RBFOX1: variants seen among roughly 807,000 people sequenced by gnomAD.
RBFOX1 encodes RNA binding protein fox-1 homolog 1.
In RBFOX1, 8 loss-of-function variants were observed where a neutral mutation model predicts 57.7. The ratio of observed to expected loss-of-function variants is 0.14; its 90% confidence interval spans 0.08 to 0.25. The LOEUF is 0.25. Ranked by LOEUF, RBFOX1 falls within the 10% of genes least tolerant of loss-of-function variation. RBFOX1 has a pLI of 1.00. For missense variants in RBFOX1, 611 were observed against 548.5 expected, an observed-to-expected ratio of 1.11 and a Z score of -1.14; for synonymous variants, 326 against 222.4, an observed-to-expected ratio of 1.47 and a Z score of -4.15.
intron 4 of RBFOX1, among the ~76,000 whole-genome samples, chr16:7,061,573 A>G (rs2054290710): frequency 6.6e-6 from 1 of 152,164 alleles, no homozygotes; most frequent in African/African-American, 2.4e-5. Context: ...AGAAGACTCA[A>G]AAAAAAGTTC....
intron 2 of RBFOX1, among the ~76,000 whole-genome samples, chr16:5,567,069 G>T (rs1468340893): frequency 6.6e-6 from 1 of 152,138 alleles, no homozygotes; most frequent in Non-Finnish European, 1.5e-5. Flanking sequence ...CTCACAATTA[G>T]TGGGGCTGGA....
chr16:5,549,317 T>C (rs1270240810), intron 2 of RBFOX1, among the ~76,000 whole-genome samples: 2 of 152,250 alleles, frequency 1.3e-5, no homozygotes, highest in Non-Finnish European at 2.9e-5. Flanking sequence ...GGTTGAACTT[T>C]GCTTTCTCTC....
In RBFOX1 at chr16:7,189,095, C is replaced by G. The variant is rs78393933; in HGVS notation, c.27+136997C>G. Among the ~76,000 whole-genome samples, 714 of 152,098 alleles carry G rather than the reference C, an allele frequency of 4.7e-3. 7 individuals are homozygous for G. The highest frequency in any genetic ancestry group is 0.015 in the African/African-American group (643 of 41,500). ...ATGGATAGAATCCTCATAGGAAGAC[C>G]TACACTGATTCAGGTAATAAGGAGT... On this transcript the variant is annotated intron_variant, in intron 4 of 15. Coordinates refer to ENST00000550418, the MANE Select transcript of RBFOX1 (RefSeq NM_018723.4).
At chr16:7,385,681 C>G (rs1426234561) in intron 4 of RBFOX1, among the ~76,000 whole-genome samples, 2 of 152,092 alleles carry the variant, frequency 1.3e-5, no homozygotes, top group African/African-American at 4.8e-5. Context: ...AGGGATGCAA[C>G]TGGCAGATGA....
intron 3 of RBFOX1, among the ~76,000 whole-genome samples, chr16:6,741,263 A>C (rs2072013445): frequency 6.6e-6 from 1 of 152,210 alleles, no homozygotes; most frequent in South Asian, 2.1e-4. Context: ...GAAAACATAA[A>C]ACTATAAAAC....
intron 3 of RBFOX1, among the ~76,000 whole-genome samples, chr16:6,929,640 T>A (rs955025578): frequency 6.6e-6 from 1 of 152,182 alleles, no homozygotes; most frequent in Admixed American, 6.5e-5. Flanking sequence ...TTCTCACCTT[T>A]AGGGATTCTC....
intron 3 of RBFOX1, among the ~76,000 whole-genome samples, chr16:6,815,457 A>ATTC (rs1422784064): frequency 7.9e-5 from 12 of 152,272 alleles, no homozygotes; most frequent in African/African-American, 2.9e-4. Context: ...CACCTCTGAC[A>ATTC]TTCGCAGTGG....
At chr16:7,358,018 A>G (rs1251146653) in intron 4 of RBFOX1, among the ~76,000 whole-genome samples, 1 of 152,210 alleles carries the variant, frequency 6.6e-6, no homozygotes, top group Non-Finnish European at 1.5e-5. Flanking sequence ...GCTAATGACT[A>G]GTGCAGCCTG....
chr16:7,632,791 TATTA>T (rs1568195375), intron 11 of RBFOX1, among the ~76,000 whole-genome samples: 1 of 152,224 alleles, frequency 6.6e-6, no homozygotes. Context: ...TTTTATGTTA[TATTA>T]ATTAGCCATA....
rs1373131016 is a variant in RBFOX1 at position 6,557,052 on chromosome 16, TATACATATATAC to T, written c.-63-97535_-63-97524del. 7.8e-3 allele frequency among the ~76,000 whole-genome samples: 1,141 copies of T among 146,914 alleles called. 10 individuals are homozygous for T. The highest frequency in any genetic ancestry group is 0.013 in the Non-Finnish European group (858 of 67,134). The stretch of plus-strand genomic sequence containing the variant: ...ATATATACACATATATATACATATA[TATACATATATAC>T]ATACATATATACATATATACATACA... On this transcript the variant is annotated intron_variant, in intron 2 of 15. Coordinates refer to ENST00000550418, the MANE Select transcript of RBFOX1 (RefSeq NM_018723.4).
intron 4 of RBFOX1, among the ~76,000 whole-genome samples, chr16:7,496,238 G>A (rs938776921): frequency 4.6e-5 from 7 of 152,162 alleles, no homozygotes; most frequent in Non-Finnish European, 8.8e-5. Context: ...CCATCTCCCA[G>A]TTCAAGTGAT....
chr16:5,948,619 AT>A (rs757486844), intron 4 of RBFOX1, among the ~76,000 whole-genome samples: 39 of 152,182 alleles, frequency 2.6e-4, no homozygotes, highest in Non-Finnish European at 5.3e-4. Context: ...AGAGGCAGAG[AT>A]TTTAATGACA....
intron 2 of RBFOX1, among the ~76,000 whole-genome samples, chr16:6,591,295 T>TA (rs1257221576): frequency 2.6e-5 from 4 of 152,138 alleles, no homozygotes; most frequent in Middle Eastern, 3.4e-3. Context: ...AAAATATATA[T>TA]TTTTTAAGTA....
Position 5,588,659 on chromosome 16 carries a change from T to C in RBFOX1, c.259-10243T>C, listed in dbSNP as rs1206151176. ...GAGCAATGGACAGCACTTTGCAGACTTAGAGGGCTGGGAGGGCATTGAATT... is the reference window on the plus strand; with the variant it reads ...GAGCAATGGACAGCACTTTGCAGACCTAGAGGGCTGGGAGGGCATTGAATT... On this transcript the variant is annotated intron_variant, in intron 2 of 2. Transcript: ENST00000585867. 2.6e-5 allele frequency among the ~76,000 whole-genome samples: 4 copies of C among 152,242 alleles called. No individual in the cohort carries two copies. The East Asian group carries it at 7.7e-4, about 29-fold the overall frequency.
At chr16:6,856,632 C>T (rs566063113) in intron 3 of RBFOX1, among the ~76,000 whole-genome samples, 42 of 152,288 alleles carry the variant, frequency 2.8e-4, no homozygotes, top group African/African-American at 9.9e-4. Context: ...CAGTGATAAA[C>T]CACCTCTTGT....
chr16:6,880,207 G>A (rs1421577173), intron 3 of RBFOX1, among the ~76,000 whole-genome samples: 4 of 141,506 alleles, frequency 2.8e-5, no homozygotes, highest in African/African-American at 5.4e-5. Context: ...GTATAAAAGA[G>A]CAAAATTTTC....
At chr16:6,829,877 C>A (rs1367639108) in intron 3 of RBFOX1, among the ~76,000 whole-genome samples, 1 of 152,140 alleles carries the variant, frequency 6.6e-6, no homozygotes, top group Admixed American at 6.5e-5. Flanking sequence ...GCTGGGATTA[C>A]AGGTGTAAAC....
At chr16:6,825,742 C>T (rs1369941312) in intron 3 of RBFOX1, among the ~76,000 whole-genome samples, 1 of 152,040 alleles carries the variant, frequency 6.6e-6, no homozygotes, top group Admixed American at 6.5e-5. Context: ...CAGTCGATGC[C>T]AGGGACACGT....
chr16:5,732,664 T>A (rs757005655), intron 3 of RBFOX1, among the ~76,000 whole-genome samples: 1 of 152,186 alleles, frequency 6.6e-6, no homozygotes, highest in Non-Finnish European at 1.5e-5. Flanking sequence ...ACCTTCTATG[T>A]AGTCTTTAGT....
Sources: gnomAD v4.1 joint callset for allele counts (sites outside exome capture counted in the v4.1 genomes callset) on GRCh38, gnomAD v4.1.1 for gene constraint, MANE v1.5 for transcripts, NCBI Gene and HGNC (gene_info 2026-07-23, HGNC 2026-07-21) for gene names.